CUEDC2: variants seen among roughly 807,000 people sequenced by gnomAD.
CUEDC2 encodes CUE domain-containing protein 2.
A neutral mutation model predicts 36.0 loss-of-function variants in CUEDC2; 10 were observed. The observed-to-expected ratio is 0.28, with a 90% confidence interval of 0.17 to 0.47. The LOEUF is 0.47. CUEDC2 is among the 20% of genes least tolerant of loss of function. The pLI is 0.99. For missense variants in CUEDC2, 269 were observed against 368.1 expected, an observed-to-expected ratio of 0.73 and a Z score of 2.20; for synonymous variants, 133 against 141.8, an observed-to-expected ratio of 0.94 and a Z score of 0.44.
intron 2 of CUEDC2, 29 bp downstream of exon 2, chr10:102,425,086 C>T: frequency 6.3e-7 from 1 of 1,594,818 alleles, no homozygotes; most frequent in Non-Finnish European, 8.6e-7. Context: ...CCAGCACTGA[C>T]ATGAGCCTTC....
Position 102,424,617 on chromosome 10 carries a change from C to T in CUEDC2, c.218+32G>A. 1.2e-6 allele frequency: 2 copies of T among 1,614,200 alleles called. No individual in the cohort carries two copies. The highest frequency in any genetic ancestry group is 1.3e-5 in the African/African-American group (1 of 75,058). ...CTGCCCACCCCATAATCAGCCAGCCCCTTCCTCCTCCTGGCCCTAGCCAGA... is the reference window on the plus strand; with the variant it reads ...CTGCCCACCCCATAATCAGCCAGCCTCTTCCTCCTCCTGGCCCTAGCCAGA... On this transcript the variant is annotated intron_variant, in intron 3 of 8. Coordinates refer to ENST00000369937, the MANE Select transcript of CUEDC2 (RefSeq NM_024040.3). The surrounding 1 kb of genome is among the most constrained non-coding windows in gnomAD (Gnocchi z 4.2).
chr10:102,425,639 C>G (rs1028247520), intron 1 of CUEDC2, among the ~76,000 whole-genome samples: 1 of 151,956 alleles, frequency 6.6e-6, no homozygotes, highest in Non-Finnish European at 1.5e-5. Flanking sequence ...GCCCTTCCCC[C>G]ACCCAGAACA....
chr10:102,425,191 T>C lies in CUEDC2; in HGVS notation c.-3A>G. On this transcript the variant is annotated 5_prime_UTR_variant, in exon 2 of 9. Transcript: ENST00000369937. ...CTGACGATCCTCTCCAGCTCCATGC[T>C]CTCTCTTCTGAAGGGACACAGACAG... 6.2e-7 allele frequency: 1 copy of C among 1,613,254 alleles called. No homozygotes were observed. The highest frequency in any genetic ancestry group is 8.5e-7 in the Non-Finnish European group (1 of 1,179,518).
At chr10:102,428,102 G>A (rs2061604459) in intron 1 of CUEDC2, among the ~76,000 whole-genome samples, 1 of 152,056 alleles carries the variant, frequency 6.6e-6, no homozygotes, top group Non-Finnish European at 1.5e-5. Context: ...CACCACACCT[G>A]GCTAATTTTT....
intron 1 of CUEDC2, among the ~76,000 whole-genome samples, chr10:102,428,113 G>A (rs1488458921): frequency 1.3e-5 from 2 of 152,130 alleles, no homozygotes; most frequent in Non-Finnish European, 2.9e-5. Context: ...GCTAATTTTT[G>A]TATTTCTAGT....
intron 1 of CUEDC2, among the ~76,000 whole-genome samples, chr10:102,426,571 C>T (rs537773482): frequency 6.6e-6 from 1 of 152,278 alleles, no homozygotes; most frequent in African/African-American, 2.4e-5. Flanking sequence ...TTCTTATCTG[C>T]ATTGTATCCA....
At chr10:102,430,946 G>A (rs913891602) in intron 1 of CUEDC2, among the ~76,000 whole-genome samples, 4 of 152,136 alleles carry the variant, frequency 2.6e-5, no homozygotes, top group Non-Finnish European at 5.9e-5. Context: ...TTGGTTGATG[G>A]TGTCTACCAA....
intron 1 of CUEDC2, among the ~76,000 whole-genome samples, chr10:102,427,927 GT>G (rs960137771): frequency 5.3e-5 from 8 of 150,016 alleles, no homozygotes; most frequent in African/African-American, 2.0e-4. Flanking sequence ...CCCTGGCTTT[GT>G]TTTTTGTTTG....
intron 1 of CUEDC2, among the ~76,000 whole-genome samples, chr10:102,426,045 C>T (rs2135471554): frequency 6.6e-6 from 1 of 152,314 alleles, no homozygotes; most frequent in South Asian, 2.1e-4. Flanking sequence ...CTTAACCCTA[C>T]ATAGCACTTA....
Position 102,424,717 on chromosome 10 carries a change from C to G in CUEDC2, c.150G>C (p.Glu50Asp), listed in dbSNP as rs1331387636. ...EDLGPSGPSE[E>D]NFDMEAFTEM... ...CAGTGAAAGCCTCCATATCGAAGTT[C>G]TCCTCTGATGGGCCCGAGGGGCCCA... The change falls in exon 3 of 9, where the codon GAG becomes GAC. Residue 50 changes from glutamate to aspartate, a missense_variant. Physicochemically the swap from Glu to Asp is conservative, Grantham distance 45. Transcript: ENST00000369937. This position sits in a 1 kb window ranked among gnomAD's most constrained non-coding sequence, Gnocchi z 4.2. 4 of 1,614,132 alleles carry G rather than the reference C, an allele frequency of 2.5e-6. No homozygotes were observed. Among genetic ancestry groups the G allele is most frequent in the Non-Finnish European group, 3.4e-6 (4 of 1,180,000 alleles).
At position 102,424,393 on chromosome 10, in the gene CUEDC2, C is replaced by T. The variant is rs781511061; in HGVS notation, c.282G>A (p.Glu94=). 7 of 1,613,990 alleles carry T rather than the reference C, an allele frequency of 4.3e-6. No homozygotes were observed. The highest frequency in any genetic ancestry group is 3.3e-5 in the Admixed American group (2 of 60,000). Residue 94 remains glutamate (E), a splice_region_variant and synonymous_variant, in exon 5 of 9, where the codon GAG becomes GAA. Transcript: ENST00000369937. This position sits in a 1 kb window ranked among gnomAD's most constrained non-coding sequence, Gnocchi z 4.2. The part of the protein sequence containing the change: ...SGQLSDARNK[E]NLQPQSSGVQ... Reference sequence around the variant, plus strand: ...CACCAGAGCTCTGCGGTTGCAGGTTCTCTTAAAGAGGCAAAGAGAGCATCA... The same window carrying T: ...CACCAGAGCTCTGCGGTTGCAGGTTTTCTTAAAGAGGCAAAGAGAGCATCA...
Position 102,424,020 on chromosome 10 carries a change from A to G in CUEDC2, c.570T>C (p.Pro190=). Residue 190 remains proline, a synonymous_variant, in exon 6 of 9, where the codon CCT becomes CCC. Transcript: ENST00000369937. The surrounding 1 kb of genome is among the most constrained non-coding windows in gnomAD (Gnocchi z 4.2). ...QMLVEGKEEG[P]AAWEGPNQDL... The stretch of plus-strand genomic sequence containing the variant: ...CCTGGTTGGGGCCCTCCCAGGCTGC[A>G]GGCCCCTCTTCCTTTCCCTCTACCA... 1 of 1,613,972 alleles carries G rather than the reference A, an allele frequency of 6.2e-7. No homozygotes were observed. The highest frequency in any genetic ancestry group is 8.5e-7 in the Non-Finnish European group (1 of 1,179,942).
In CUEDC2 at chr10:102,424,333, C is replaced by T; in HGVS notation, c.342G>A (p.Leu114=). The T allele has an allele frequency of 6.2e-7, 1 of 1,614,186 alleles. No homozygotes were observed. The highest frequency in any genetic ancestry group is 8.5e-7 in the Non-Finnish European group (1 of 1,180,028). The change falls in exon 5 of 9, where the codon CTG becomes CTA. Residue 114 remains leucine (L), a synonymous_variant. Coordinates refer to ENST00000369937, the MANE Select transcript of CUEDC2 (RefSeq NM_024040.3). The surrounding 1 kb of genome is among the most constrained non-coding windows in gnomAD (Gnocchi z 4.2). Reference sequence around the variant, plus strand: ...CTTCTTTGAGCATTTCGGGCCGCTGCAGGGGCTCTGGGGAGATGGGCACCT... The same window carrying T: ...CTTCTTTGAGCATTTCGGGCCGCTGTAGGGGCTCTGGGGAGATGGGCACCT... ...QGQVPISPEP[L]QRPEMLKEET... is the part of the protein sequence containing the mutation.
intron 1 of CUEDC2, among the ~76,000 whole-genome samples, chr10:102,429,862 C>T (rs1239714135): frequency 6.7e-6 from 1 of 149,838 alleles, no homozygotes; most frequent in Non-Finnish European, 1.5e-5. Flanking sequence ...TCTTGTTGCC[C>T]AGGCTGGAGT....
chr10:102,425,629 G>A (rs1723595866), intron 1 of CUEDC2, among the ~76,000 whole-genome samples: 1 of 151,726 alleles, frequency 6.6e-6, no homozygotes, highest in African/African-American at 2.4e-5. Context: ...ACCAAGCACA[G>A]CCCTTCCCCC....
intron 1 of CUEDC2, among the ~76,000 whole-genome samples, chr10:102,430,263 G>A (rs1235321685): frequency 2.0e-5 from 3 of 151,494 alleles, no homozygotes; most frequent in Non-Finnish European, 4.4e-5. Flanking sequence ...CCACCTCCTG[G>A]GTTCAAGCGA....
intron 1 of CUEDC2, among the ~76,000 whole-genome samples, chr10:102,431,127 TTTTA>T (rs1200626710): frequency 2.0e-5 from 3 of 152,130 alleles, no homozygotes; most frequent in African/African-American, 4.8e-5. Context: ...CCCCATTTTA[TTTTA>T]TTTATTTTAT....
chr10:102,431,702 GCATCTGT>G (rs1185080901), intron 1 of CUEDC2, among the ~76,000 whole-genome samples: 1 of 152,288 alleles, frequency 6.6e-6, no homozygotes, highest in East Asian at 1.9e-4. Context: ...CCAGCCCAGA[GCATCTGT>G]CCCTCTGCCT....
chr10:102,425,880 C>T (rs1412050418), intron 1 of CUEDC2, among the ~76,000 whole-genome samples: 2 of 152,108 alleles, frequency 1.3e-5, no homozygotes, highest in African/African-American at 2.4e-5. Flanking sequence ...TCCCACCCCA[C>T]CTTCTGTCCC....
Sources: gnomAD v4.1 joint callset for allele counts (sites outside exome capture counted in the v4.1 genomes callset) on GRCh38, gnomAD v4.1.1 for gene constraint, Gnocchi (gnomAD v3.1) non-coding constraint, MANE v1.5 for transcripts, NCBI Gene and HGNC (gene_info 2026-07-23, HGNC 2026-07-21) for gene names.